The following ACAD10 variants were observed in gnomAD, a reference collection of about 807,000 sequenced individuals.
The protein encoded by ACAD10 is ACAD-10.
A neutral mutation model predicts 116.8 loss-of-function variants in ACAD10; 112 were observed. That is an observed-to-expected ratio of 0.96 (90% CI 0.82 to 1.12). The LOEUF (loss-of-function observed/expected upper bound fraction) is 1.12. ACAD10 is among the 50% of genes most tolerant of loss of function. ACAD10 has a pLI of 0.00. For synonymous variants in ACAD10, 486 were observed against 510.6 expected (o/e 0.95, Z 0.65); for missense variants, 1,259 against 1,350.2 (o/e 0.93, Z 1.06).
At chr12:111,729,666 CCA>C (rs531254547) in intron 9 of ACAD10, 138 bp from the exon 10 acceptor site, 17 of 1,003,816 alleles carry the variant, frequency 1.7e-5, no homozygotes, top group Non-Finnish European at 2.4e-5. Context: ...GGGAAATTCT[CCA>C]GTCATAGGAA....
chr12:111,698,666 G>A (rs545208545), intron 2 of ACAD10, among the ~76,000 whole-genome samples: 18 of 151,538 alleles, frequency 1.2e-4, no homozygotes, highest in Admixed American at 3.3e-4. Flanking sequence ...TAGTAGAGAC[G>A]GAGTTTCTCC....
At chr12:111,718,259 G>A (rs911183692) in intron 7 of ACAD10, among the ~76,000 whole-genome samples, 3 of 151,746 alleles carry the variant, frequency 2.0e-5, no homozygotes, top group African/African-American at 7.3e-5. Context: ...ATGTTGACCA[G>A]GCTGGTCTAC....
chr12:111,692,919 C>T (rs1285197320), intron 2 of ACAD10, 23 bp downstream of exon 2: 2 of 1,610,186 alleles, frequency 1.2e-6, no homozygotes, highest in East Asian at 2.2e-5. Context: ...TTCTGTTTCA[C>T]TTTGTGGGAC....
chr12:111,712,553 T>C lies in ACAD10; in HGVS notation c.746T>C (p.Leu249Ser). ...KELEALLGFTLRVGVPNTRPV... is the reference protein window; with the variant it reads ...KELEALLGFTSRVGVPNTRPV... ...TTAGAAGCTCTCTTGGGTTTTACAT[T>C]GAGAGTAGGTGTTCCAAACACTCGG... is the stretch of plus-strand genomic sequence containing the variant. Residue 249 changes from leucine (L) to serine (S), a missense_variant, in exon 6 of 21, where the codon TTG becomes TCG. By Grantham distance (145) the Leu-to-Ser change is moderately radical. Transcript: ENST00000313698. 6.2e-7 allele frequency: 1 copy of C among 1,614,088 alleles called. No individual in the cohort carries two copies. The highest frequency in any genetic ancestry group is 1.7e-4 in the Middle Eastern group (1 of 6,060).
At chr12:111,752,637 A>G (rs973986993) in intron 18 of ACAD10, 1 of 152,000 alleles carries the variant, frequency 6.6e-6, no homozygotes, top group Admixed American at 6.6e-5. Context: ...ACAAAACCAT[A>G]TATAGAGTGT....
At chr12:111,693,010 G>T in intron 2 of ACAD10, 114 bp downstream of exon 2, 12 of 1,235,386 alleles carry the variant, frequency 9.7e-6, no homozygotes, top group Non-Finnish European at 1.3e-5. Context: ...AGCAGGCCAT[G>T]CTCTGGCTCT....
At chr12:111,705,968 A>G (rs747700352) in intron 4 of ACAD10, 36 bp downstream of exon 4, 2 of 1,597,008 alleles carry the variant, frequency 1.3e-6, no homozygotes, top group Non-Finnish European at 1.7e-6. Context: ...TTGGAACAGA[A>G]TCTGTGCCCT....
rs778104430 is a variant in ACAD10 at position 111,748,476 on chromosome 12, G to T, written c.2644+1G>T. 2 of 1,613,016 alleles carry T rather than the reference G, an allele frequency of 1.2e-6. No homozygotes were observed. The highest frequency in any genetic ancestry group is 4.5e-5 in the East Asian group (2 of 44,890). ...GTGTATGGACTGGAAGATGCACCAG[G>T]TGAGACCTCCAGGGGCGGGTCACCC... On this transcript the variant is annotated splice_donor_variant, in intron 17 of 20. Transcript: ENST00000313698. LOFTEE classifies it high-confidence loss of function.
chr12:111,732,006 G>A (rs771894230), intron 10 of ACAD10, among the ~76,000 whole-genome samples: 12 of 152,072 alleles, frequency 7.9e-5, no homozygotes, highest in African/African-American at 1.4e-4. Context: ...ACTTGAACCC[G>A]GGAGGCAGAG....
chr12:111,746,995 GT>G (rs1363852073), intron 14 of ACAD10, 53 bp from the exon 15 acceptor site: 9 of 1,518,948 alleles, frequency 5.9e-6, no homozygotes, highest in South Asian at 5.2e-5. Context: ...GCTTGACTCT[GT>G]TTTTTTTAGA....
In ACAD10 at chr12:111,706,783, T is replaced by TA. The variant is rs1555256498; in HGVS notation, c.531+851_531+852insA. Among the ~76,000 whole-genome samples the TA allele has an allele frequency of 8.9e-3, 940 of 105,622 alleles. 5 individuals carry two copies. The highest frequency in any genetic ancestry group is 0.024 in the East Asian group (55 of 2,292). The allele number at this position is 105,622 out of a possible 152,430, so 69.3% of individuals were successfully genotyped here. A position where few individuals can be genotyped will look rare whatever the true frequency, so the allele number is the denominator to read the frequency against. On this transcript the variant is annotated intron_variant, in intron 4 of 20. Coordinates refer to ENST00000313698, the MANE Select transcript of ACAD10 (RefSeq NM_025247.6). ...TTTTTTATATATATATATATATATA[T>TA]TTTTTTTTTTGAGACCATCTCACTC...
At chr12:111,712,819 G>C (rs1479235774) in intron 6 of ACAD10, among the ~76,000 whole-genome samples, 162 bp downstream of exon 6, 2 of 152,172 alleles carry the variant, frequency 1.3e-5, no homozygotes, top group Non-Finnish European at 2.9e-5. Context: ...TTTCAGTTTT[G>C]CTTGGGAAAA....
chr12:111,740,782 C>CAAAAAAAAAAA (rs751899672), intron 12 of ACAD10, among the ~76,000 whole-genome samples: 17 of 50,244 alleles, frequency 3.4e-4, no homozygotes, highest in Admixed American at 6.5e-4. Context: ...GACTCCATCT[C>CAAAAAAAAAAA]AAAAAAAAAA....
At position 111,715,961 on chromosome 12, in the gene ACAD10, A is replaced by T; in HGVS notation, c.991A>T (p.Arg331Trp). ...PSAHAIEREF[R>W]IMKALANAGV... ...TGCCCATGCCATAGAGAGGGAGTTC[A>T]GGTAAGTTTTCAGGGCCAGGGGAGC... Residue 331 changes from arginine (R) to tryptophan (W), a missense_variant and splice_region_variant, in exon 7 of 21, where the codon AGG becomes TGG. Physicochemically the swap from Arg to Trp is moderately radical, Grantham distance 101. Coordinates refer to ENST00000313698, the MANE Select transcript of ACAD10 (RefSeq NM_025247.6). The T allele has an allele frequency of 6.2e-7, 1 of 1,613,958 alleles. No homozygotes were observed.
chr12:111,725,381 A>G (rs1319512908), intron 8 of ACAD10, among the ~76,000 whole-genome samples: 1 of 152,092 alleles, frequency 6.6e-6, no homozygotes, highest in African/African-American at 2.4e-5. Context: ...GTGGAGGTGC[A>G]CACCTGTAGT....
intron 18 of ACAD10, chr12:111,749,631 A>AT: frequency 2.5e-6 from 1 of 399,334 alleles, no homozygotes; most frequent in Non-Finnish European, 4.5e-6. Flanking sequence ...CTGCTAGCAC[A>AT]TTATTAAAAA....
At chr12:111,701,898 A>T (rs973175795) in intron 2 of ACAD10, among the ~76,000 whole-genome samples, 2 of 152,212 alleles carry the variant, frequency 1.3e-5, no homozygotes, top group Non-Finnish European at 2.9e-5. Context: ...AAAATTCATC[A>T]TGCAGTGCCC....
chr12:111,729,688 A>G (rs1358063379), intron 9 of ACAD10, 118 bp from the exon 10 acceptor site: 1 of 1,258,714 alleles, frequency 7.9e-7, no homozygotes, highest in Non-Finnish European at 1.1e-6. Context: ...ACGTGTTCAA[A>G]GACACTGCAC....
At chr12:111,718,442 G>T (rs918945048) in intron 7 of ACAD10, among the ~76,000 whole-genome samples, 2 of 152,012 alleles carry the variant, frequency 1.3e-5, no homozygotes, top group African/African-American at 4.8e-5. Context: ...CAATTACATT[G>T]ATCTGGGAAC....
Sources: gnomAD v4.1 joint callset for allele counts (sites outside exome capture counted in the v4.1 genomes callset) on GRCh38, gnomAD v4.1.1 for gene constraint, MANE v1.5 for transcripts, NCBI Gene and HGNC (gene_info 2026-07-23, HGNC 2026-07-21) for gene names.